The following FHIT variants were observed in gnomAD, a reference collection of about 807,000 sequenced individuals.
FHIT encodes the protein fragile histidine triad diadenosine triphosphatase.
Under a neutral mutation model 17.9 loss-of-function variants are expected in FHIT, and 19 were observed. The ratio of observed to expected loss-of-function variants is 1.06; its 90% confidence interval spans 0.74 to 1.56. FHIT has a LOEUF of 1.56. Among genes scored for constraint, FHIT ranks in the 40% most tolerant of loss-of-function variants. The pLI, the probability that FHIT is intolerant of heterozygous loss-of-function variation, is 0.00. For missense variants in FHIT, 248 were observed against 189.2 expected, an observed-to-expected ratio of 1.31 and a Z score of -1.82; for synonymous variants, 81 against 69.7, an observed-to-expected ratio of 1.16 and a Z score of -0.81.
intron 3 of FHIT, among the ~76,000 whole-genome samples, chr3:60,943,321 C>A (rs1708498786): frequency 6.6e-6 from 1 of 152,110 alleles, no homozygotes; most frequent in South Asian, 2.1e-4. Context: ...AGGATTAACT[C>A]TTCCTGGTGA....
chr3:60,027,196 T>C (rs539905472), intron 5 of FHIT, among the ~76,000 whole-genome samples: 1 of 149,408 alleles, frequency 6.7e-6, no homozygotes, highest in Admixed American at 6.7e-5. Flanking sequence ...AAATATGAAC[T>C]TACAAGATTT....
At chr3:60,390,677 G>A (rs181298763) in intron 5 of FHIT, among the ~76,000 whole-genome samples, 26 of 151,938 alleles carry the variant, frequency 1.7e-4, no homozygotes, top group Non-Finnish European at 2.8e-4. Flanking sequence ...CCTGGCGCAC[G>A]CCTAGGCTAA....
intron 3 of FHIT, among the ~76,000 whole-genome samples, chr3:60,978,356 G>C (rs1224431556): frequency 6.6e-6 from 1 of 152,152 alleles, no homozygotes; most frequent in African/African-American, 2.4e-5. Flanking sequence ...TCCGATTATG[G>C]GGTGGAGCCT....
intron 5 of FHIT, among the ~76,000 whole-genome samples, chr3:60,485,525 C>T (rs544080474): frequency 1.3e-5 from 2 of 152,122 alleles, no homozygotes; most frequent in East Asian, 1.9e-4. Flanking sequence ...AAGCTGGAAG[C>T]CATCATCCTC....
intron 4 of FHIT, among the ~76,000 whole-genome samples, chr3:60,543,924 T>TTTTTTTTG (rs2036273586): frequency 7.2e-6 from 1 of 138,302 alleles, no homozygotes; most frequent in Non-Finnish European, 1.6e-5. Flanking sequence ...TTTTTTTTTT[T>TTTTTTTTG]TTTTTTTGTA....
chr3:60,156,244 G>A (rs1458435903), intron 5 of FHIT, among the ~76,000 whole-genome samples: 1 of 151,838 alleles, frequency 6.6e-6, no homozygotes, highest in African/African-American at 2.4e-5. Context: ...CAGCTACTCA[G>A]GAGGCTGAGG....
chr3:60,531,445 AT>A (rs1245149296), intron 5 of FHIT, among the ~76,000 whole-genome samples: 5 of 151,542 alleles, frequency 3.3e-5, no homozygotes, highest in East Asian at 1.9e-4. Flanking sequence ...CGCCCGGCTA[AT>A]TTTTTGTATT....
intron 5 of FHIT, among the ~76,000 whole-genome samples, chr3:60,180,920 C>G (rs534612943): frequency 1.1e-4 from 17 of 152,170 alleles, no homozygotes; most frequent in Admixed American, 2.6e-4. Flanking sequence ...TTTAAACAAA[C>G]TAAGTAAGCA....
chr3:60,278,141 A>G (rs896805816), intron 5 of FHIT, among the ~76,000 whole-genome samples: 2 of 152,200 alleles, frequency 1.3e-5, no homozygotes, highest in African/African-American at 4.8e-5. Context: ...GACTAGCTTG[A>G]GAGTTAAAAA....
chr3:60,315,895 T>C (rs953337609), intron 5 of FHIT, among the ~76,000 whole-genome samples: 2 of 152,208 alleles, frequency 1.3e-5, no homozygotes, highest in African/African-American at 4.8e-5. Context: ...GAATTGCTCA[T>C]CTGGGCCACG....
chr3:59,982,556 T>C (rs6771484), intron 7 of FHIT, among the ~76,000 whole-genome samples: 1 of 152,018 alleles, frequency 6.6e-6, no homozygotes, highest in Non-Finnish European at 1.5e-5. Context: ...ATAACTAACT[T>C]TACTTTGGGA....
intron 3 of FHIT, among the ~76,000 whole-genome samples, chr3:60,892,294 C>A (rs1553760901): frequency 6.6e-6 from 1 of 152,102 alleles, no homozygotes; most frequent in Non-Finnish European, 1.5e-5. Flanking sequence ...CCCATAGCCT[C>A]CCCTGGAAGG....
chr3:59,993,269 C>T (rs545370464), intron 7 of FHIT, among the ~76,000 whole-genome samples: 10 of 152,004 alleles, frequency 6.6e-5, no homozygotes, highest in Non-Finnish European at 1.5e-4. Flanking sequence ...GAATTGCAAC[C>T]CCGGAAAGAG....
chr3:59,897,892 G>C (rs536726465), intron 8 of FHIT, among the ~76,000 whole-genome samples: 21 of 151,446 alleles, frequency 1.4e-4, no homozygotes, highest in African/African-American at 5.1e-4. Context: ...TCAGCCTCCC[G>C]AGTAGCTGGG....
chr3:59,804,063 A>G (rs1700103118), intron 8 of FHIT, among the ~76,000 whole-genome samples: 1 of 152,228 alleles, frequency 6.6e-6, no homozygotes, highest in Non-Finnish European at 1.5e-5. Flanking sequence ...AGATGTGCAT[A>G]TTCATCATTG....
intron 5 of FHIT, among the ~76,000 whole-genome samples, chr3:60,205,514 G>A (rs1189490132): frequency 6.6e-6 from 1 of 152,154 alleles, no homozygotes; most frequent in Non-Finnish European, 1.5e-5. Context: ...AAAGGATAGA[G>A]CCACCTAAAA....
At chr3:60,642,736 C>T (rs554780206) in intron 4 of FHIT, among the ~76,000 whole-genome samples, 4 of 152,252 alleles carry the variant, frequency 2.6e-5, no homozygotes, top group Admixed American at 1.3e-4. Flanking sequence ...CCACCTCCCC[C>T]GCTCCAGGGG....
At chr3:61,207,675 T>A (rs1022170836) in intron 1 of FHIT, among the ~76,000 whole-genome samples, 4 of 152,226 alleles carry the variant, frequency 2.6e-5, no homozygotes, top group Admixed American at 2.6e-4. Context: ...ATCCCCTTTA[T>A]CATTTTTATT....
chr3:61,236,035 A>G (rs551451339), intron 1 of FHIT, among the ~76,000 whole-genome samples: 4 of 151,920 alleles, frequency 2.6e-5, no homozygotes, highest in South Asian at 2.1e-4. Context: ...CAACTAACCA[A>G]TGAGGTAAGT....
Sources: gnomAD v4.1 joint callset for allele counts (sites outside exome capture counted in the v4.1 genomes callset) on GRCh38, gnomAD v4.1.1 for gene constraint, MANE v1.5 for transcripts, NCBI Gene and HGNC (gene_info 2026-07-23, HGNC 2026-07-21) for gene names.